The following DEPTOR variants were observed in gnomAD, a reference collection of about 807,000 sequenced individuals.
The protein encoded by DEPTOR is DEP domain-containing mTOR-interacting protein.
Under a neutral mutation model 41.6 loss-of-function variants are expected in DEPTOR, and 41 were observed. The observed-to-expected ratio is 0.98, with a 90% CI of 0.77 to 1.28. The LOEUF (loss-of-function observed/expected upper bound fraction) is 1.28, where lower values mean the gene tolerates loss of function less well. DEPTOR is among the 50% of genes most tolerant of loss of function. DEPTOR has a pLI of 0.00. For synonymous variants in DEPTOR, 195 were observed against 192.3 expected (o/e 1.01, Z -0.12); for missense variants, 514 against 527.9 (o/e 0.97, Z 0.26).
intron 4 of DEPTOR, among the ~76,000 whole-genome samples, chr8:119,994,280 T>C (rs1563585813): frequency 6.6e-6 from 1 of 152,168 alleles, no homozygotes. Context: ...CGCACCACTC[T>C]GGATGACAGA....
At chr8:119,918,435 C>T (rs1326359974) in intron 1 of DEPTOR, among the ~76,000 whole-genome samples, 1 of 92,266 alleles carries the variant, frequency 1.1e-5, no homozygotes, top group Non-Finnish European at 2.4e-5. Flanking sequence ...TGGCATGGAC[C>T]ACCTTTATTT....
At chr8:120,007,566 C>T (rs1004134216) in intron 7 of DEPTOR, among the ~76,000 whole-genome samples, 1 of 152,202 alleles carries the variant, frequency 6.6e-6, no homozygotes, top group South Asian at 2.1e-4. Context: ...CTTCCTGTGT[C>T]TCCTTCTGTC....
intron 8 of DEPTOR, among the ~76,000 whole-genome samples, chr8:120,021,173 C>A (rs1268924913): frequency 6.6e-6 from 1 of 151,900 alleles, no homozygotes; most frequent in Non-Finnish European, 1.5e-5. Flanking sequence ...GAGGCCAAGG[C>A]GGGCAGATTA....
At chr8:119,942,997 C>T (rs1828223095) in intron 3 of DEPTOR, among the ~76,000 whole-genome samples, 1 of 152,240 alleles carries the variant, frequency 6.6e-6, no homozygotes, top group Non-Finnish European at 1.5e-5. Context: ...GAATTGTATT[C>T]AGCATGGTGA....
intron 4 of DEPTOR, among the ~76,000 whole-genome samples, chr8:119,973,689 C>G (rs571170978): frequency 1.3e-5 from 2 of 152,342 alleles, no homozygotes; most frequent in South Asian, 4.1e-4. Flanking sequence ...GCCTACCAGG[C>G]TACCGCTGCT....
intron 6 of DEPTOR, among the ~76,000 whole-genome samples, chr8:120,005,402 C>A (rs1812418201): frequency 6.6e-6 from 1 of 152,224 alleles, no homozygotes; most frequent in Non-Finnish European, 1.5e-5. Context: ...CACTGGATTG[C>A]CTTTCACTGA....
intron 8 of DEPTOR, among the ~76,000 whole-genome samples, chr8:120,049,150 G>A (rs1813194345): frequency 6.6e-6 from 1 of 152,032 alleles, no homozygotes; most frequent in South Asian, 2.1e-4. Flanking sequence ...TAATAATTGG[G>A]AGCAAGCATG....
intron 3 of DEPTOR, among the ~76,000 whole-genome samples, chr8:119,942,394 C>T (rs1229071566): frequency 2.6e-5 from 4 of 152,078 alleles, no homozygotes; most frequent in South Asian, 2.1e-4. Context: ...TTAGTAGAGA[C>T]GGGGTTTCGC....
At position 119,877,270 on chromosome 8, in the gene DEPTOR, C is replaced by T. The variant is rs1044140602; in HGVS notation, c.122+3302C>T. On this transcript the variant is annotated intron_variant, in intron 1 of 8. Coordinates refer to ENST00000286234, the MANE Select transcript of DEPTOR (RefSeq NM_022783.4). ...CTGTTTTTTATCTCAACTGTTTTGG[C>T]ACTGTAACTAGCACATAGTAACTAC... Among the ~76,000 whole-genome samples, 5 of 152,190 alleles carry T rather than the reference C, an allele frequency of 3.3e-5. No individual in the cohort carries two copies. In the South Asian group the frequency reaches 6.2e-4, roughly 19 times the overall value.
intron 1 of DEPTOR, among the ~76,000 whole-genome samples, chr8:119,908,991 G>A (rs200173834): frequency 2.4e-5 from 1 of 41,598 alleles, no homozygotes; most frequent in Non-Finnish European, 7.4e-5. Context: ...AACCATGACA[G>A]CCAGCCCACT....
intron 1 of DEPTOR, among the ~76,000 whole-genome samples, chr8:119,914,385 A>G (rs1290221513): frequency 1.3e-5 from 2 of 150,978 alleles, no homozygotes; most frequent in Admixed American, 6.6e-5. Flanking sequence ...TTTCATTCCA[A>G]CCCCCTGCGT....
At chr8:119,979,117 CACTT>C (rs1828731836) in intron 4 of DEPTOR, among the ~76,000 whole-genome samples, 1 of 152,136 alleles carries the variant, frequency 6.6e-6, no homozygotes, top group South Asian at 2.1e-4. Flanking sequence ...GAAGGAATCT[CACTT>C]ACACTCACAT....
intron 8 of DEPTOR, among the ~76,000 whole-genome samples, chr8:120,012,333 C>T (rs544074335): frequency 6.6e-6 from 1 of 152,256 alleles, no homozygotes; most frequent in East Asian, 1.9e-4. Flanking sequence ...GTATAGCCTA[C>T]CACATACCTA....
At chr8:120,002,922 C>G in intron 5 of DEPTOR, 55 bp from the exon 6 acceptor site, 1 of 1,536,500 alleles carries the variant, frequency 6.5e-7, no homozygotes, top group South Asian at 1.2e-5. Context: ...CCTATGTGCT[C>G]TAGTGAGCCG....
At chr8:120,041,158 A>G (rs1277538877) in intron 8 of DEPTOR, among the ~76,000 whole-genome samples, 17 of 152,348 alleles carry the variant, frequency 1.1e-4, no homozygotes, top group Non-Finnish European at 1.5e-5. Context: ...TCTGGGATGC[A>G]AATTTCTTGG....
At chr8:119,988,681 C>G (rs1255231907) in intron 4 of DEPTOR, among the ~76,000 whole-genome samples, 1 of 152,062 alleles carries the variant, frequency 6.6e-6, no homozygotes, top group Non-Finnish European at 1.5e-5. Flanking sequence ...TGGGGTTTCA[C>G]CATTTTGGAC....
intron 3 of DEPTOR, among the ~76,000 whole-genome samples, chr8:119,933,501 A>ACAC (rs1563969696): frequency 1.0e-5 from 1 of 97,372 alleles, no homozygotes; most frequent in Non-Finnish European, 2.2e-5. Flanking sequence ...CACACACACA[A>ACAC]TGTTTATTAT....
intron 1 of DEPTOR, among the ~76,000 whole-genome samples, chr8:119,893,795 A>G (rs1827480434): frequency 6.6e-6 from 1 of 151,598 alleles, no homozygotes; most frequent in East Asian, 1.9e-4. Context: ...AAATCTCTCC[A>G]TAGGTTCTTG....
chr8:119,988,065 T>C (rs1033123328), intron 4 of DEPTOR, among the ~76,000 whole-genome samples: 1 of 152,056 alleles, frequency 6.6e-6, no homozygotes, highest in Non-Finnish European at 1.5e-5. Context: ...CACTGGGGTA[T>C]GAAAAAAACC....
Sources: allele counts gnomAD v4.1 joint callset (sites outside exome capture counted in the v4.1 genomes callset), GRCh38; gene constraint gnomAD v4.1.1; transcripts MANE v1.5; gene names NCBI Gene and HGNC (gene_info 2026-07-23, HGNC 2026-07-21).